SORCS2: variants seen among roughly 807,000 people sequenced by gnomAD.
SORCS2 encodes VPS10 domain-containing receptor SorCS2.
In SORCS2, 100 loss-of-function variants were observed where a neutral mutation model predicts 141.6. That is an observed-to-expected ratio of 0.71 (90% CI 0.60 to 0.83). The LOEUF is 0.83. SORCS2 is among the 40% of genes least tolerant of loss of function. The pLI is 0.00. For synonymous variants in SORCS2, 789 were observed against 676.9 expected (o/e 1.17, Z -2.57); for missense variants, 1,646 against 1,560.2 (o/e 1.05, Z -0.93).
At chr4:7,717,988 C>T in intron 17 of SORCS2, 24 bp from the exon 18 acceptor site, 1 of 1,582,776 alleles carries the variant, frequency 6.3e-7, no homozygotes, top group South Asian at 1.2e-5. Context: ...TGAAGCGGAC[C>T]CTGACCCTCT....
At chr4:7,383,980 A>G (rs1560237492) in intron 1 of SORCS2, among the ~76,000 whole-genome samples, 2 of 152,350 alleles carry the variant, frequency 1.3e-5, no homozygotes, top group East Asian at 1.9e-4. Flanking sequence ...GCACCCGTCC[A>G]TTTATTTGCT....
intron 1 of SORCS2, among the ~76,000 whole-genome samples, chr4:7,254,143 A>G (rs1713693675): frequency 1.3e-5 from 2 of 152,220 alleles, no homozygotes; most frequent in South Asian, 4.1e-4. Flanking sequence ...AAAATAGAAC[A>G]ATCATTAGCT....
At chr4:7,628,996 G>A (rs942134672) in intron 3 of SORCS2, among the ~76,000 whole-genome samples, 1 of 152,132 alleles carries the variant, frequency 6.6e-6, no homozygotes, top group African/African-American at 2.4e-5. Flanking sequence ...TGCTGAGGAA[G>A]GGCCTCTGAG....
At chr4:7,254,172 A>C (rs1332404124) in intron 1 of SORCS2, among the ~76,000 whole-genome samples, 1 of 152,214 alleles carries the variant, frequency 6.6e-6, no homozygotes, top group Non-Finnish European at 1.5e-5. Flanking sequence ...GCTACTATTG[A>C]GCATCTACCC....
At chr4:7,254,197 G>A (rs1425249870) in intron 1 of SORCS2, among the ~76,000 whole-genome samples, 1 of 152,228 alleles carries the variant, frequency 6.6e-6, no homozygotes, top group Non-Finnish European at 1.5e-5. Flanking sequence ...GAAAGGATCA[G>A]TGCATCAAAA....
chr4:7,472,977 T>C (rs1367750719), intron 2 of SORCS2, among the ~76,000 whole-genome samples: 2 of 152,118 alleles, frequency 1.3e-5, no homozygotes, highest in Non-Finnish European at 2.9e-5. Flanking sequence ...TCTTATTTCA[T>C]TGATTCCTTT....
At chr4:7,250,001 G>A (rs1713382685) in intron 1 of SORCS2, among the ~76,000 whole-genome samples, 1 of 152,162 alleles carries the variant, frequency 6.6e-6, no homozygotes, top group Admixed American at 6.5e-5. Flanking sequence ...TAACACTTTG[G>A]GAGGCCGAGG....
intron 8 of SORCS2, among the ~76,000 whole-genome samples, chr4:7,668,372 C>G (rs1398158756): frequency 6.6e-6 from 1 of 152,156 alleles, no homozygotes; most frequent in Non-Finnish European, 1.5e-5. Flanking sequence ...TGGGGAGGGA[C>G]TCTTTATCCA....
intron 1 of SORCS2, among the ~76,000 whole-genome samples, chr4:7,306,873 G>A (rs1400106816): frequency 4.6e-5 from 7 of 152,210 alleles, no homozygotes; most frequent in Admixed American, 2.6e-4. Context: ...CGTTGTGGGC[G>A]ACCCCCTAAA....
intron 3 of SORCS2, among the ~76,000 whole-genome samples, chr4:7,603,102 G>A (rs1411724102): frequency 6.6e-6 from 1 of 151,966 alleles, no homozygotes; most frequent in Non-Finnish European, 1.5e-5. Flanking sequence ...GAGCAGAGAT[G>A]GCGGCACTAC....
At chr4:7,605,698 T>C (rs1718013132) in intron 3 of SORCS2, among the ~76,000 whole-genome samples, 2 of 152,114 alleles carry the variant, frequency 1.3e-5, no homozygotes, top group South Asian at 4.2e-4. Flanking sequence ...TGTTTTGGGA[T>C]CCCTTGCTGT....
At chr4:7,271,384 G>C (rs565677290) in intron 1 of SORCS2, among the ~76,000 whole-genome samples, 2 of 152,136 alleles carry the variant, frequency 1.3e-5, no homozygotes, top group African/African-American at 4.8e-5. Context: ...TGGCCTCCCT[G>C]CTGCCCCTTG....
rs574688518 is a variant in SORCS2, at chr4:7,357,773, G to C, written c.481-38515G>C. Among the ~76,000 whole-genome samples, 30 of 152,264 alleles carry C rather than the reference G, an allele frequency of 2.0e-4. 1 individual carries two copies. The highest frequency in any genetic ancestry group is 8.5e-4 in the Admixed American group (13 of 15,300). On this transcript the variant is annotated intron_variant, in intron 1 of 26. Coordinates refer to ENST00000507866, the MANE Select transcript of SORCS2 (RefSeq NM_020777.3). ...CTGGCTGGGGAATGAATGCTGGGGT[G>C]GGGGGAGGTTTCTCATTTCAATCCC...
At chr4:7,300,194 C>G (rs951780349) in intron 1 of SORCS2, among the ~76,000 whole-genome samples, 4 of 152,106 alleles carry the variant, frequency 2.6e-5, no homozygotes, top group African/African-American at 9.7e-5. Context: ...GCAACGAAGG[C>G]ACAGTCACTG....
chr4:7,256,306 T>C (rs1370930673), intron 1 of SORCS2, among the ~76,000 whole-genome samples: 1 of 152,180 alleles, frequency 6.6e-6, no homozygotes, highest in East Asian at 1.9e-4. Flanking sequence ...TCCAGATCTT[T>C]TGATTATTCT....
At chr4:7,525,625 C>A (rs536964844) in intron 2 of SORCS2, among the ~76,000 whole-genome samples, 8 of 152,186 alleles carry the variant, frequency 5.3e-5, no homozygotes, top group African/African-American at 1.9e-4. Flanking sequence ...ACTTCCTGGG[C>A]CTACATCCTA....
rs1168678841 is a variant in SORCS2, at chr4:7,601,616, C to CAAA, written c.649-36690_649-36688dup. ...CCTGGGCGACAAAGCAAGACTCTCTCAAAAAAAAAAAAAAAAAAAAAAAAG... is the reference window on the plus strand; with the variant it reads ...CCTGGGCGACAAAGCAAGACTCTCTCAAAAAAAAAAAAAAAAAAAAAAAAAAAG... On this transcript the variant is annotated intron_variant, in intron 3 of 26. Coordinates refer to ENST00000507866, the MANE Select transcript of SORCS2 (RefSeq NM_020777.3). Among the ~76,000 whole-genome samples the CAAA allele has an allele frequency of 3.6e-3, 166 of 45,594 alleles. 3 individuals are homozygous for CAAA. Among genetic ancestry groups the CAAA allele is most frequent in the African/African-American group, 0.012 (153 of 13,016 alleles). The allele number at this position is 45,594 out of a possible 152,430, so 29.9% of individuals were successfully genotyped here.
chr4:7,385,936 C>A (rs1038486911), intron 1 of SORCS2, among the ~76,000 whole-genome samples: 1 of 152,170 alleles, frequency 6.6e-6, no homozygotes, highest in Non-Finnish European at 1.5e-5. Context: ...GCTGTGTGTA[C>A]CAGCCCCACT....
intron 3 of SORCS2, among the ~76,000 whole-genome samples, chr4:7,611,014 A>C (rs1237585598): frequency 6.6e-6 from 1 of 152,142 alleles, no homozygotes; most frequent in Non-Finnish European, 1.5e-5. Flanking sequence ...AGACACTGAG[A>C]ACGGAGGGTG....
Sources: allele counts gnomAD v4.1 joint callset (sites outside exome capture counted in the v4.1 genomes callset), GRCh38; gene constraint gnomAD v4.1.1; transcripts MANE v1.5; gene names NCBI Gene and HGNC (gene_info 2026-07-23, HGNC 2026-07-21).